The following GRM8 variants were observed in gnomAD, a reference collection of about 807,000 sequenced individuals.
The protein encoded by GRM8 is metabotropic glutamate receptor 8.
GRM8 carries 47 observed loss-of-function variants against 87.2 expected under a neutral mutation model. The observed-to-expected ratio is 0.54, with a 90% CI of 0.43 to 0.69. GRM8 has a LOEUF of 0.69. Among genes scored for constraint, GRM8 ranks in the 30% least tolerant of loss-of-function variants. GRM8 has a pLI of 0.00. For missense variants in GRM8, 1,019 were observed against 1,139.2 expected (o/e 0.89, Z 1.52); for synonymous variants, 396 against 404.5 (o/e 0.98, Z 0.25).
intron 2 of GRM8, among the ~76,000 whole-genome samples, chr7:127,162,006 T>C (rs1203037296): frequency 6.6e-6 from 1 of 152,118 alleles, no homozygotes; most frequent in Non-Finnish European, 1.5e-5. Context: ...GATGTTAGAG[T>C]GAACACAATG....
chr7:126,547,673 T>C (rs1817311402), intron 8 of GRM8, among the ~76,000 whole-genome samples: 2 of 151,894 alleles, frequency 1.3e-5, no homozygotes, highest in African/African-American at 4.8e-5. Context: ...CCAATAATTA[T>C]AAGAAGAATT....
intron 1 of GRM8, among the ~76,000 whole-genome samples, chr7:127,245,414 A>C (rs1461930280): frequency 6.6e-6 from 1 of 152,188 alleles, no homozygotes; most frequent in Non-Finnish European, 1.5e-5. Context: ...TCTTTACACC[A>C]AGCCATCCCC....
At chr7:127,223,974 CA>C (rs1168349448) in intron 2 of GRM8, among the ~76,000 whole-genome samples, 6 of 142,738 alleles carry the variant, frequency 4.2e-5, no homozygotes, top group South Asian at 2.2e-4. Context: ...GAACAGAGGC[CA>C]AAAAAAATCT....
chr7:127,086,559 G>A (rs1307205141), intron 3 of GRM8, among the ~76,000 whole-genome samples: 2 of 152,032 alleles, frequency 1.3e-5, no homozygotes, highest in Non-Finnish European at 2.9e-5. Context: ...CCTTCCTTCA[G>A]TACCTAGCCC....
intron 7 of GRM8, among the ~76,000 whole-genome samples, chr7:126,743,679 A>T (rs1032955758): frequency 6.6e-6 from 1 of 152,084 alleles, no homozygotes; most frequent in African/African-American, 2.4e-5. Context: ...CTCTAACAGT[A>T]TACGTTGTTT....
At chr7:126,535,887 C>A (rs1400500635) in intron 8 of GRM8, among the ~76,000 whole-genome samples, 1 of 152,196 alleles carries the variant, frequency 6.6e-6, no homozygotes, top group Non-Finnish European at 1.5e-5. Flanking sequence ...AGAAAGTCAT[C>A]ATCTGGCTCC....
intron 9 of GRM8, among the ~76,000 whole-genome samples, chr7:126,531,547 A>G (rs1814820231): frequency 6.6e-6 from 1 of 152,198 alleles, no homozygotes; most frequent in African/African-American, 2.4e-5. Context: ...CCTCTGGCAT[A>G]TTCATGTGTC....
chr7:127,188,480 C>G (rs1372098129), intron 2 of GRM8, among the ~76,000 whole-genome samples: 1 of 152,102 alleles, frequency 6.6e-6, no homozygotes, highest in Admixed American at 6.6e-5. Context: ...TAGTCTCAGC[C>G]AAGTCATTTC....
At chr7:127,045,886 A>G (rs1818875387) in intron 3 of GRM8, among the ~76,000 whole-genome samples, 1 of 152,182 alleles carries the variant, frequency 6.6e-6, no homozygotes, top group African/African-American at 2.4e-5. Context: ...TTATATTTCC[A>G]TATGAATTAT....
intron 7 of GRM8, among the ~76,000 whole-genome samples, chr7:126,695,915 G>A (rs146318942): frequency 0.014 from 2,186 of 152,248 alleles, 27 homozygotes; most frequent in Non-Finnish European, 0.019. Flanking sequence ...TAGAGAGAGT[G>A]TTTCTGAAGA....
intron 2 of GRM8, among the ~76,000 whole-genome samples, chr7:127,232,995 G>A (rs1449556864): frequency 2.6e-5 from 4 of 151,960 alleles, no homozygotes; most frequent in Non-Finnish European, 5.9e-5. Flanking sequence ...ATGCCACCAT[G>A]CCCAGCTAAT....
chr7:126,503,450 A>C (rs1488639417), intron 9 of GRM8, among the ~76,000 whole-genome samples: 1 of 152,026 alleles, frequency 6.6e-6, no homozygotes, highest in Non-Finnish European at 1.5e-5. Context: ...TCAAATATTG[A>C]CATGAGCACA....
chr7:126,581,186 T>C (rs183097012), intron 8 of GRM8, among the ~76,000 whole-genome samples: 1 of 152,152 alleles, frequency 6.6e-6, no homozygotes, highest in Admixed American at 6.6e-5. Flanking sequence ...AATAAAAACA[T>C]TGTGAAAGAG....
At chr7:126,938,834 C>T (rs1207781532) in intron 3 of GRM8, among the ~76,000 whole-genome samples, 2 of 152,086 alleles carry the variant, frequency 1.3e-5, no homozygotes, top group Non-Finnish European at 2.9e-5. Flanking sequence ...AATAAAATCA[C>T]ATAGTATACA....
intron 7 of GRM8, among the ~76,000 whole-genome samples, chr7:126,633,143 C>T (rs1298177836): frequency 1.3e-5 from 2 of 151,932 alleles, no homozygotes; most frequent in African/African-American, 4.8e-5. Context: ...GTATCAATGG[C>T]TAATATATGC....
chr7:126,638,027 T>C (rs1478887585), intron 7 of GRM8, among the ~76,000 whole-genome samples: 1 of 152,124 alleles, frequency 6.6e-6, no homozygotes, highest in Non-Finnish European at 1.5e-5. Context: ...CTGACACTTT[T>C]CCATGATGAA....
intron 7 of GRM8, among the ~76,000 whole-genome samples, chr7:126,642,085 G>A (rs1009245425): frequency 3.3e-5 from 5 of 152,118 alleles, no homozygotes; most frequent in Non-Finnish European, 5.9e-5. Context: ...TAAAGGGTCA[G>A]CCACATAGGA....
At chr7:127,191,577 A>G (rs572203543) in intron 2 of GRM8, among the ~76,000 whole-genome samples, 2 of 152,304 alleles carry the variant, frequency 1.3e-5, no homozygotes, top group South Asian at 2.1e-4. Context: ...CTCTTCATTC[A>G]GTGCAATTAT....
chr7:127,120,107 A>G (rs1212795360), intron 2 of GRM8, among the ~76,000 whole-genome samples: 3 of 152,180 alleles, frequency 2.0e-5, no homozygotes, highest in African/African-American at 7.2e-5. Context: ...CTCAAGTCAT[A>G]GCTGGCCAAT....
Sources: gnomAD v4.1 joint callset for allele counts (sites outside exome capture counted in the v4.1 genomes callset) on GRCh38, gnomAD v4.1.1 for gene constraint, MANE v1.5 for transcripts, NCBI Gene and HGNC (gene_info 2026-07-23, HGNC 2026-07-21) for gene names.